The following TRIM24 variants were observed in gnomAD, a reference collection of about 807,000 sequenced individuals.
TRIM24 encodes the protein transcription intermediary factor 1-alpha.
A neutral mutation model predicts 123.9 loss-of-function variants in TRIM24; 29 were observed. The ratio of observed to expected loss-of-function variants is 0.23; its 90% CI spans 0.17 to 0.32. The LOEUF (loss-of-function observed/expected upper bound fraction) is 0.32. TRIM24 is among the 10% of genes least tolerant of loss of function. The pLI is 1.00. For missense variants in TRIM24, 932 were observed against 1,295.3 expected, an observed-to-expected ratio of 0.72 and a Z score of 4.31; for synonymous variants, 456 against 461.1, an observed-to-expected ratio of 0.99 and a Z score of 0.14.
intron 8 of TRIM24, among the ~76,000 whole-genome samples, chr7:138,551,839 T>C (rs1269884470): frequency 6.6e-6 from 1 of 152,214 alleles, no homozygotes; most frequent in Non-Finnish European, 1.5e-5. Context: ...AGGAACTTAA[T>C]GGTTCAATCC....
chr7:138,476,639 T>C (rs963136355), intron 1 of TRIM24, among the ~76,000 whole-genome samples: 1 of 151,666 alleles, frequency 6.6e-6, no homozygotes, highest in Non-Finnish European at 1.5e-5. Context: ...TACAGCATTA[T>C]ACTTTGACAT....
intron 5 of TRIM24, among the ~76,000 whole-genome samples, chr7:138,525,853 A>T (rs995921001): frequency 6.6e-6 from 1 of 152,230 alleles, no homozygotes; most frequent in Admixed American, 6.5e-5. Context: ...GTCTGATAAA[A>T]TGCTTACTTA....
Position 138,586,256 on chromosome 7 carries a change from G to A in TRIM24, c.*1305G>A, listed in dbSNP as rs1339222051. The A allele has an allele frequency of 5.8e-6, 1 of 172,408 alleles. No individual in the cohort carries two copies. Among genetic ancestry groups the A allele is most frequent in the African/African-American group, 2.4e-5 (1 of 41,802 alleles). 10.7% of individuals were successfully genotyped at this position (172,408 alleles called of 1,614,324 possible). ...ATTTGACACAATATCTAAATGGTTTGCCGAAGTTAATCTGTATTTATAAAA... is the reference window on the plus strand; with the variant it reads ...ATTTGACACAATATCTAAATGGTTTACCGAAGTTAATCTGTATTTATAAAA... On this transcript the variant is annotated 3_prime_UTR_variant, in exon 19 of 19. Coordinates refer to ENST00000343526, the MANE Select transcript of TRIM24 (RefSeq NM_015905.3).
chr7:138,528,275 CT>C (rs1346514505), intron 5 of TRIM24, among the ~76,000 whole-genome samples: 1 of 152,146 alleles, frequency 6.6e-6, no homozygotes, highest in African/African-American at 2.4e-5. Context: ...AATCTATAAA[CT>C]CATAAGTTTA....
intron 9 of TRIM24, among the ~76,000 whole-genome samples, chr7:138,560,300 A>G (rs1452198745): frequency 6.6e-6 from 1 of 152,198 alleles, no homozygotes; most frequent in African/African-American, 2.4e-5. Context: ...ATGCTGGACC[A>G]TTGTCTGACC....
At chr7:138,461,808 C>T (rs1291389598) in intron 1 of TRIM24, among the ~76,000 whole-genome samples, 1 of 152,034 alleles carries the variant, frequency 6.6e-6, no homozygotes, top group Non-Finnish European at 1.5e-5. Context: ...TACAGTGTAA[C>T]TGGAAAAGCA....
intron 1 of TRIM24, among the ~76,000 whole-genome samples, chr7:138,463,989 C>CATTT: frequency 2.0e-5 from 1 of 50,758 alleles, no homozygotes; most frequent in Non-Finnish European, 3.6e-5. Flanking sequence ...AAAATTTAGA[C>CATTT]TTTTTTTTTT....
intron 17 of TRIM24, among the ~76,000 whole-genome samples, chr7:138,582,458 C>T (rs981968288): frequency 8.0e-5 from 12 of 150,462 alleles, no homozygotes; most frequent in Non-Finnish European, 1.2e-4. Flanking sequence ...AGGAGAGTGG[C>T]GTGAACCTGG....
chr7:138,584,704 G>A, intron 18 of TRIM24, 38 bp from the exon 19 acceptor site: 1 of 1,495,618 alleles, frequency 6.7e-7, no homozygotes, highest in Non-Finnish European at 9.1e-7. Context: ...AGTCAAAAGT[G>A]TGTCCTTTTT....
At chr7:138,541,194 A>G (rs1391215182) in intron 7 of TRIM24, among the ~76,000 whole-genome samples, 2 of 152,102 alleles carry the variant, frequency 1.3e-5, no homozygotes, top group African/African-American at 2.4e-5. Flanking sequence ...CCATGCACCT[A>G]TAATACAACA....
rs369085707 is a variant in TRIM24, at chr7:138,541,846, C to A, written c.1143+3043C>A. On this transcript the variant is annotated intron_variant, in intron 7 of 18. Coordinates refer to ENST00000343526, the MANE Select transcript of TRIM24 (RefSeq NM_015905.3). ...TTTGATTAACTTGCTGCAGCTTCTA[C>A]ATTAGCACTTGGTGCTTCACCTTGT... Among the ~76,000 whole-genome samples, 96 of 152,334 alleles carry A rather than the reference C, an allele frequency of 6.3e-4. 1 individual carries two copies. The South Asian group carries it at 8.1e-3, about 13-fold the overall frequency.
intron 2 of TRIM24, among the ~76,000 whole-genome samples, chr7:138,508,682 T>TGTGC (rs1796205066): frequency 4.2e-5 from 2 of 47,120 alleles, no homozygotes. Flanking sequence ...TGTGTGTGTG[T>TGTGC]GTGTGTGTGT....
At chr7:138,490,707 G>T in intron 1 of TRIM24, 1 of 451,358 alleles carries the variant, frequency 2.2e-6, no homozygotes, top group South Asian at 1.7e-5. Context: ...TTCAAACCTG[G>T]GCTTCTTCAG....
chr7:138,542,740 T>C (rs1385042173), intron 7 of TRIM24, among the ~76,000 whole-genome samples: 1 of 152,248 alleles, frequency 6.6e-6, no homozygotes, highest in African/African-American at 2.4e-5. Context: ...AGAAATTTTC[T>C]ATACAATTTT....
chr7:138,519,160 C>T, intron 3 of TRIM24, 29 bp from the exon 4 acceptor site: 1 of 1,613,670 alleles, frequency 6.2e-7, no homozygotes, highest in Non-Finnish European at 8.5e-7. Flanking sequence ...TGTTAATTTT[C>T]TTCTCTTTGT....
chr7:138,558,971 G>C (rs540964769), intron 9 of TRIM24, among the ~76,000 whole-genome samples: 1 of 152,274 alleles, frequency 6.6e-6, no homozygotes, highest in South Asian at 2.1e-4. Context: ...TGCCCTGTGG[G>C]GCCAATGATA....
chr7:138,522,737 T>C (rs1350947815), intron 4 of TRIM24, among the ~76,000 whole-genome samples: 1 of 152,156 alleles, frequency 6.6e-6, no homozygotes. Context: ...TGAAGGGCTA[T>C]GAGGAGGCAA....
intron 1 of TRIM24, among the ~76,000 whole-genome samples, chr7:138,466,463 C>CTTTCTTTTT (rs1795141210): frequency 1.4e-5 from 1 of 74,064 alleles, no homozygotes; most frequent in Non-Finnish European, 2.4e-5. Context: ...ACTTAAGTTG[C>CTTTCTTTTT]TTTTTTTTTT....
intron 11 of TRIM24, 96 bp from the exon 12 acceptor site, chr7:138,573,408 GATA>G: frequency 9.0e-7 from 1 of 1,109,992 alleles, no homozygotes; most frequent in Non-Finnish European, 1.2e-6. Flanking sequence ...TTTGTTATTC[GATA>G]ATAATTATTA....
Sources: gnomAD v4.1 joint callset for allele counts (sites outside exome capture counted in the v4.1 genomes callset) on GRCh38, gnomAD v4.1.1 for gene constraint, MANE v1.5 for transcripts, NCBI Gene and HGNC (gene_info 2026-07-23, HGNC 2026-07-21) for gene names.